SLC9D1: variants seen among roughly 807,000 people sequenced by gnomAD.
SLC9D1 encodes the protein solute carrier family 9 member D1.
chr13:113,491,447 C>T, the SLC9D1 span, among the ~76,000 whole-genome samples: 1 of 149,936 alleles, frequency 6.7e-6, no homozygotes, highest in Non-Finnish European at 1.5e-5. Context: ...TCTCCCTCCC[C>T]GGGGCTCCCA....
At chr13:113,519,856 G>A in the SLC9D1 span, among the ~76,000 whole-genome samples, 1 of 152,134 alleles carries the variant, frequency 6.6e-6, no homozygotes, top group African/African-American at 2.4e-5. Flanking sequence ...GAGAAGGCTC[G>A]TTCTGTGCAG....
chr13:113,495,759 C>T, the SLC9D1 span: 2 of 1,613,968 alleles, frequency 1.2e-6, no homozygotes, highest in African/African-American at 2.7e-5. Flanking sequence ...GCTCTCAGGG[C>T]TTCTCCGCCA....
At chr13:113,502,232 G>C in the SLC9D1 span, among the ~76,000 whole-genome samples, 2 of 152,100 alleles carry the variant, frequency 1.3e-5, no homozygotes, top group Non-Finnish European at 2.9e-5. Flanking sequence ...TGTTGTTTTT[G>C]AGACAGAGTC....
chr13:113,539,229 C>A, the SLC9D1 span: 1 of 863,778 alleles, frequency 1.2e-6, no homozygotes, highest in Non-Finnish European at 1.8e-6. The surrounding 1 kb of genome is among the most constrained non-coding windows in gnomAD (Gnocchi z 4.8). Flanking sequence ...CAGACACACA[C>A]ACGCTCTGTT....
chr13:113,511,515 T>A, the SLC9D1 span, among the ~76,000 whole-genome samples: 1 of 152,128 alleles, frequency 6.6e-6, no homozygotes, highest in Non-Finnish European at 1.5e-5. Context: ...GAAAACTTTT[T>A]AAAAATCTGC....
chr13:113,534,300 CT>C, the SLC9D1 span: 2 of 1,354,128 alleles, frequency 1.5e-6, no homozygotes, highest in Non-Finnish European at 2.1e-6. Flanking sequence ...TCACTGAAAT[CT>C]TGTGATCCAT....
At chr13:113,514,599 C>T in the SLC9D1 span, 16 of 132,702 alleles carry the variant, frequency 1.2e-4, 1 homozygote, top group Non-Finnish European at 2.3e-4. Context: ...TCGACGCCAT[C>T]CACACAAGCC....
At chr13:113,517,292 G>C in the SLC9D1 span, among the ~76,000 whole-genome samples, 2 of 152,272 alleles carry the variant, frequency 1.3e-5, no homozygotes, top group Middle Eastern at 3.4e-3. Flanking sequence ...GAGTGCAACG[G>C]CACAATTTCA....
chr13:113,537,419 C>G, the SLC9D1 span, among the ~76,000 whole-genome samples: 1 of 152,238 alleles, frequency 6.6e-6, no homozygotes, highest in Non-Finnish European at 1.5e-5. Flanking sequence ...TGTCTGGCTT[C>G]CACTTAGCAC....
At chr13:113,538,185 GTT>G in the SLC9D1 span, among the ~76,000 whole-genome samples, 1 of 151,754 alleles carries the variant, frequency 6.6e-6, no homozygotes, top group Admixed American at 6.6e-5. Context: ...GTGGTGTGTG[GTT>G]TGTGTACGTG....
the SLC9D1 span, among the ~76,000 whole-genome samples, chr13:113,499,530 T>C: frequency 6.6e-6 from 1 of 152,198 alleles, no homozygotes; most frequent in African/African-American, 2.4e-5. Flanking sequence ...TCATTTGTTG[T>C]AGTGTGTTTA....
chr13:113,529,053 C>T, the SLC9D1 span: 1 of 152,224 alleles, frequency 6.6e-6, no homozygotes, highest in African/African-American at 2.4e-5. Context: ...AACTCAAACA[C>T]CACGTTGATC....
chr13:113,521,865 T>TAC, the SLC9D1 span, among the ~76,000 whole-genome samples: 95 of 152,308 alleles, frequency 6.2e-4, no homozygotes, highest in African/African-American at 2.2e-3. Context: ...TTTAAGCCAA[T>TAC]ATACTATACT....
At chr13:113,537,437 T>A in the SLC9D1 span, among the ~76,000 whole-genome samples, 1 of 152,220 alleles carries the variant, frequency 6.6e-6, no homozygotes, top group Non-Finnish European at 1.5e-5. Context: ...CACCACGTCC[T>A]CCAGGCCTGG....
chr13:113,508,499 T>C, the SLC9D1 span, among the ~76,000 whole-genome samples: 3 of 152,116 alleles, frequency 2.0e-5, no homozygotes, highest in Non-Finnish European at 4.4e-5. Context: ...TTGCCAAGCA[T>C]AGGAAGTAGA....
the SLC9D1 span, among the ~76,000 whole-genome samples, chr13:113,518,921 A>G: frequency 0.21 from 31,875 of 152,022 alleles, 4,028 homozygotes; most frequent in African/African-American, 0.36. Flanking sequence ...TAAAACAATT[A>G]CCTGAATCTC....
chr13:113,497,189 C>A, the SLC9D1 span, among the ~76,000 whole-genome samples: 1 of 151,438 alleles, frequency 6.6e-6, no homozygotes, highest in Non-Finnish European at 1.5e-5. Context: ...CAGCTGTGTG[C>A]TAACACCTGT....
the SLC9D1 span, chr13:113,510,315 C>T: frequency 1.2e-6 from 2 of 1,614,110 alleles, no homozygotes; most frequent in Admixed American, 1.7e-5. Context: ...GGGGGCATCT[C>T]TTGCGGATCA....
At chr13:113,509,725 G>A in the SLC9D1 span, among the ~76,000 whole-genome samples, 1 of 152,194 alleles carries the variant, frequency 6.6e-6, no homozygotes, top group Non-Finnish European at 1.5e-5. Context: ...TCGTATTTAT[G>A]TTTATATGTC....
Sources: gnomAD v4.1 joint callset for allele counts (sites outside exome capture counted in the v4.1 genomes callset) on GRCh38, gnomAD v4.1.1 for gene constraint, Gnocchi (gnomAD v3.1) non-coding constraint, MANE v1.5 for transcripts, NCBI Gene and HGNC (gene_info 2026-07-23, HGNC 2026-07-21) for gene names.